The following ST3GAL3 variants were observed in gnomAD, a reference collection of about 807,000 sequenced individuals.
ST3GAL3 encodes ST3 beta-galactoside alpha-2,3-sialyltransferase 3, also known as CMP-N-acetylneuraminate-beta-1,4-galactoside alpha-2,3-sialyltransferase.
Under a neutral mutation model 50.1 loss-of-function variants are expected in ST3GAL3, and 21 were observed. The observed-to-expected ratio is 0.42, with a 90% CI of 0.30 to 0.60. The LOEUF is 0.60. ST3GAL3 is among the 20% of genes least tolerant of loss of function. The pLI is 0.19. For synonymous variants in ST3GAL3, 183 were observed against 190.0 expected (o/e 0.96, Z 0.30); for missense variants, 353 against 489.4 (o/e 0.72, Z 2.63).
chr1:43,731,470 C>T (rs1237950067), intron 1 of ST3GAL3, among the ~76,000 whole-genome samples: 1 of 150,276 alleles, frequency 6.7e-6, no homozygotes, highest in Non-Finnish European at 1.5e-5. Flanking sequence ...CTGCAAGCTC[C>T]ACCTCCCGGG....
At chr1:43,890,443 A>G (rs908738999) in intron 5 of ST3GAL3, among the ~76,000 whole-genome samples, 1 of 152,234 alleles carries the variant, frequency 6.6e-6, no homozygotes, top group Non-Finnish European at 1.5e-5. Context: ...GGAAAAAATG[A>G]GTTCCCTTTG....
chr1:43,785,461 A>C lies in ST3GAL3; in HGVS notation c.119-6641A>C, dbSNP rs536441329. Among the ~76,000 whole-genome samples the C allele has an allele frequency of 1.2e-4, 18 of 152,342 alleles. No individual in the cohort carries two copies. The East Asian group carries it at 2.7e-3, about 23-fold the overall frequency. On this transcript the variant is annotated intron_variant, in intron 2 of 11. Transcript: ENST00000347631. The stretch of plus-strand genomic sequence containing the variant: ...CAGCTTCAATGTAGCAAGAGACATG[A>C]AGAGTATTAACTATAGGCAAGGCCT...
At chr1:43,857,586 CCCTTCCTTCCTTCCTT>C (rs1178598580) in intron 5 of ST3GAL3, among the ~76,000 whole-genome samples, 1 of 85,976 alleles carries the variant, frequency 1.2e-5, no homozygotes, top group South Asian at 4.8e-4. Flanking sequence ...CTTCCTCCCT[CCCTTCCTTCCTTCCTT>C]CCTTCCTTCC....
At chr1:43,821,214 T>A (rs1340945604) in intron 4 of ST3GAL3, among the ~76,000 whole-genome samples, 2 of 151,946 alleles carry the variant, frequency 1.3e-5, no homozygotes, top group Non-Finnish European at 2.9e-5. Flanking sequence ...GGGTAAAGGG[T>A]AGTATTGCTG....
At chr1:43,832,547 T>C (rs2063682413) in intron 4 of ST3GAL3, among the ~76,000 whole-genome samples, 1 of 151,998 alleles carries the variant, frequency 6.6e-6, no homozygotes, top group African/African-American at 2.4e-5. Flanking sequence ...ACAGCCCACA[T>C]GTGGGTAGAT....
At chr1:43,821,893 A>G (rs952361915) in intron 4 of ST3GAL3, among the ~76,000 whole-genome samples, 26 of 152,374 alleles carry the variant, frequency 1.7e-4, no homozygotes, top group African/African-American at 6.0e-4. Context: ...TTGTTGAGCA[A>G]CTAATATGTA....
At chr1:43,836,128 T>A (rs1454582506) in intron 4 of ST3GAL3, among the ~76,000 whole-genome samples, 1 of 152,208 alleles carries the variant, frequency 6.6e-6, no homozygotes, top group African/African-American at 2.4e-5. Context: ...CACAGAGTTG[T>A]TGAGAGAGCT....
chr1:43,910,696 C>A (rs1188709189), intron 9 of ST3GAL3, among the ~76,000 whole-genome samples: 1 of 152,184 alleles, frequency 6.6e-6, no homozygotes, highest in Non-Finnish European at 1.5e-5. Flanking sequence ...GTTTCTTGGC[C>A]TTCAGGATAC....
At chr1:43,712,928 G>T (rs1017844747) in intron 1 of ST3GAL3, among the ~76,000 whole-genome samples, 2 of 152,202 alleles carry the variant, frequency 1.3e-5, no homozygotes, top group African/African-American at 4.8e-5. Context: ...TATCCTGAAG[G>T]TGATTAGGTG....
At chr1:43,900,617 G>A (rs768160938) in intron 9 of ST3GAL3, 1 of 152,310 alleles carries the variant, frequency 6.6e-6, no homozygotes, top group Non-Finnish European at 1.5e-5. Flanking sequence ...TGCTAGAGGA[G>A]GATGGTGACA....
At chr1:43,861,897 A>T (rs953303977) in intron 5 of ST3GAL3, among the ~76,000 whole-genome samples, 4 of 152,136 alleles carry the variant, frequency 2.6e-5, no homozygotes, top group African/African-American at 9.7e-5. Flanking sequence ...GCGTGTTGGC[A>T]CATGCATGTA....
Position 43,835,518 on chromosome 1 carries a change from C to T in ST3GAL3, c.210-2701C>T, listed in dbSNP as rs935271034. Among the ~76,000 whole-genome samples the T allele has an allele frequency of 2.4e-4, 37 of 152,266 alleles. 1 individual carries two copies. The highest frequency in any genetic ancestry group is 8.9e-4 in the African/African-American group (37 of 41,548). On this transcript the variant is annotated intron_variant, in intron 4 of 11. Coordinates refer to ENST00000347631, the MANE Select transcript of ST3GAL3 (RefSeq NM_006279.5). ...ATCATCCTTGATATTGGACTGCCTT[C>T]CACTGCCATGGAGAGAGCAGTATCT...
At chr1:43,897,245 C>A (rs1221494560) in intron 6 of ST3GAL3, among the ~76,000 whole-genome samples, 2 of 152,134 alleles carry the variant, frequency 1.3e-5, no homozygotes, top group African/African-American at 2.4e-5. Flanking sequence ...AGTGTCTGCA[C>A]ATCTTCGTGG....
intron 5 of ST3GAL3, among the ~76,000 whole-genome samples, chr1:43,857,582 C>CCTTCCTTCCTTCCTTCCTTCCTTCCTT (rs1558605475): frequency 2.1e-5 from 2 of 93,746 alleles, no homozygotes; most frequent in Admixed American, 1.1e-4. Context: ...TTTCCTTCCT[C>CCTTCCTTCCTTCCTTCCTTCCTTCCTT]CCTCCCTTCC....
At chr1:43,914,227 T>C (rs1176235110) in intron 9 of ST3GAL3, 2 of 151,632 alleles carry the variant, frequency 1.3e-5, no homozygotes, top group Middle Eastern at 3.2e-3. Flanking sequence ...GGGCATCTCA[T>C]GTGCAGAAAA....
chr1:43,814,748 G>T (rs571067695), intron 3 of ST3GAL3, 143 bp from the exon 4 acceptor site: 59 of 823,212 alleles, frequency 7.2e-5, no homozygotes, highest in South Asian at 6.5e-4. Context: ...TGTGGTTTAT[G>T]TATTTAGTTA....
chr1:43,766,431 TAAG>T (rs1468647363), intron 2 of ST3GAL3, among the ~76,000 whole-genome samples: 24 of 151,962 alleles, frequency 1.6e-4, no homozygotes. Context: ...AGTAAATAAA[TAAG>T]AAGTGATGTC....
At chr1:43,800,987 GC>G (rs1183506396) in intron 3 of ST3GAL3, among the ~76,000 whole-genome samples, 2 of 152,136 alleles carry the variant, frequency 1.3e-5, no homozygotes, top group African/African-American at 4.8e-5. Context: ...TTCGTACTTA[GC>G]AATTCATCAT....
intron 9 of ST3GAL3, among the ~76,000 whole-genome samples, chr1:43,917,870 A>G (rs931164524): frequency 1.6e-4 from 24 of 148,494 alleles, no homozygotes; most frequent in African/African-American, 6.0e-4. Flanking sequence ...GGGTTTCACC[A>G]TGTTGGCCAG....
Sources: allele counts gnomAD v4.1 joint callset (sites outside exome capture counted in the v4.1 genomes callset), GRCh38; gene constraint gnomAD v4.1.1; transcripts MANE v1.5; gene names NCBI Gene and HGNC (gene_info 2026-07-23, HGNC 2026-07-21).